The following C12orf42 variants were observed in gnomAD, a reference collection of about 807,000 sequenced individuals.
C12orf42 encodes the protein chromosome 12 open reading frame 42.
In C12orf42, 25 loss-of-function variants were observed where a neutral mutation model predicts 21.6. That is an observed-to-expected ratio of 1.16 (90% confidence interval 0.84 to 1.62). C12orf42 has a LOEUF of 1.62. Among genes scored for constraint, C12orf42 ranks in the 40% most tolerant of loss-of-function variants. C12orf42 has a pLI of 0.00. For synonymous variants in C12orf42, 174 were observed against 175.0 expected, an observed-to-expected ratio of 0.99 and a Z score of 0.05; for missense variants, 483 against 459.3, an observed-to-expected ratio of 1.05 and a Z score of -0.47.
the C12orf42 span, among the ~76,000 whole-genome samples, chr12:103,090,465 CAG>C: frequency 2.0e-5 from 3 of 152,144 alleles, no homozygotes. Context: ...TTTAATCACT[CAG>C]AGTGTCACCC....
chr12:103,275,469 C>T (rs1032853200), intron 5 of C12orf42, among the ~76,000 whole-genome samples: 1 of 152,086 alleles, frequency 6.6e-6, no homozygotes, highest in Non-Finnish European at 1.5e-5. Context: ...TCTCTCCCCT[C>T]CAAAAACTAG....
chr12:103,343,144 A>C (rs895330560), intron 4 of C12orf42, among the ~76,000 whole-genome samples: 3 of 152,234 alleles, frequency 2.0e-5, no homozygotes, highest in Non-Finnish European at 2.9e-5. Context: ...CCATTTCTAC[A>C]CCCAAGAAAC....
chr12:103,435,596 T>A (rs1277901641), intron 2 of C12orf42, among the ~76,000 whole-genome samples: 1 of 151,812 alleles, frequency 6.6e-6, no homozygotes, highest in Non-Finnish European at 1.5e-5. Flanking sequence ...GAGAACTACA[T>A]GAAGAATGCA....
the C12orf42 span, among the ~76,000 whole-genome samples, chr12:103,174,401 G>T: frequency 6.6e-6 from 1 of 152,076 alleles, no homozygotes; most frequent in Non-Finnish European, 1.5e-5. Context: ...ACCAAGCACT[G>T]GTCTAAGTAT....
chr12:103,430,021 GAAAAA>G (rs1671189697), intron 2 of C12orf42, among the ~76,000 whole-genome samples: 5 of 152,116 alleles, frequency 3.3e-5, no homozygotes, highest in Admixed American at 3.3e-4. Flanking sequence ...GAAAACTCTA[GAAAAA>G]TAACTTAGGC....
chr12:103,331,740 C>T (rs960184946), intron 4 of C12orf42, among the ~76,000 whole-genome samples: 5 of 152,098 alleles, frequency 3.3e-5, no homozygotes, highest in Non-Finnish European at 5.9e-5. Flanking sequence ...GCGCGGCAGC[C>T]GGACACAGGA....
chr12:103,438,582 C>T (rs1459275547), intron 2 of C12orf42, among the ~76,000 whole-genome samples: 1 of 151,900 alleles, frequency 6.6e-6, no homozygotes, highest in African/African-American at 2.4e-5. Flanking sequence ...AATCAATGTA[C>T]AAAAATCACA....
the C12orf42 span, among the ~76,000 whole-genome samples, chr12:103,096,476 G>C: frequency 6.6e-6 from 1 of 152,100 alleles, no homozygotes; most frequent in Non-Finnish European, 1.5e-5. Context: ...GTCCTCAAGG[G>C]TGCCATGAAA....
chr12:103,192,411 G>A, the C12orf42 span, among the ~76,000 whole-genome samples: 7 of 151,206 alleles, frequency 4.6e-5, no homozygotes, highest in Admixed American at 1.3e-4. Flanking sequence ...GCTGAGGCAG[G>A]AGAATCGCTT....
At chr12:103,102,393 C>T in the C12orf42 span, among the ~76,000 whole-genome samples, 3 of 152,274 alleles carry the variant, frequency 2.0e-5, no homozygotes, top group African/African-American at 7.2e-5. Flanking sequence ...CATTTCCATT[C>T]CAGAACACTC....
At chr12:103,108,266 A>G in the C12orf42 span, among the ~76,000 whole-genome samples, 1 of 151,860 alleles carries the variant, frequency 6.6e-6, no homozygotes, top group East Asian at 1.9e-4. Context: ...GTTATATAAG[A>G]TGTTTTAGAA....
intron 4 of C12orf42, among the ~76,000 whole-genome samples, chr12:103,288,711 A>G (rs1315712508): frequency 6.6e-6 from 1 of 152,142 alleles, no homozygotes; most frequent in South Asian, 2.1e-4. Context: ...TACTGCTTAC[A>G]TGGTAAGATG....
chr12:103,342,019 CGA>C (rs149383344), intron 4 of C12orf42, among the ~76,000 whole-genome samples: 3 of 150,180 alleles, frequency 2.0e-5, no homozygotes, highest in Non-Finnish European at 3.0e-5. Context: ...CTAACAGAAT[CGA>C]GAGAGAGAGA....
At chr12:103,543,179 TGAG>T in the C12orf42 span, among the ~76,000 whole-genome samples, 1 of 152,180 alleles carries the variant, frequency 6.6e-6, no homozygotes, top group African/African-American at 2.4e-5. Flanking sequence ...AGCTGACTAA[TGAG>T]GAGTTGTTGG....
At chr12:103,544,237 T>A in the C12orf42 span, among the ~76,000 whole-genome samples, 1 of 152,166 alleles carries the variant, frequency 6.6e-6, no homozygotes, top group African/African-American at 2.4e-5. Flanking sequence ...TTTTTATTAT[T>A]CCTAAACATG....
intron 2 of C12orf42, among the ~76,000 whole-genome samples, chr12:103,453,237 T>C (rs571317393): frequency 9.2e-5 from 14 of 151,936 alleles, no homozygotes; most frequent in Middle Eastern, 6.9e-3. Flanking sequence ...TCTTAGATTA[T>C]TATTTATCTT....
chr12:103,195,852 T>C, the C12orf42 span, among the ~76,000 whole-genome samples: 1 of 152,280 alleles, frequency 6.6e-6, no homozygotes, highest in East Asian at 1.9e-4. Context: ...TATCATGAAA[T>C]CTTTGCCAGA....
intron 2 of C12orf42, among the ~76,000 whole-genome samples, chr12:103,435,059 C>T (rs959098477): frequency 2.0e-5 from 3 of 152,180 alleles, no homozygotes; most frequent in Non-Finnish European, 4.4e-5. Context: ...GATCTGAGAA[C>T]AGGCAGACTG....
the C12orf42 span, among the ~76,000 whole-genome samples, chr12:103,527,132 T>A: frequency 6.6e-6 from 1 of 151,612 alleles, no homozygotes; most frequent in Non-Finnish European, 1.5e-5. Context: ...GGCAACGAGA[T>A]GGGAAGCAAG....
Sources: gnomAD v4.1 joint callset for allele counts (sites outside exome capture counted in the v4.1 genomes callset) on GRCh38, gnomAD v4.1.1 for gene constraint, MANE v1.5 for transcripts, NCBI Gene and HGNC (gene_info 2026-07-23, HGNC 2026-07-21) for gene names.